ANKRD50: variants seen among roughly 807,000 people sequenced by gnomAD.
The protein encoded by ANKRD50 is ankyrin repeat domain-containing protein 50.
Under a neutral mutation model 112.0 loss-of-function variants are expected in ANKRD50, and 40 were observed. That is an observed-to-expected ratio of 0.36 (90% CI 0.28 to 0.46). ANKRD50 has a LOEUF of 0.46. Ranked by LOEUF, ANKRD50 falls within the 20% of genes least tolerant of loss-of-function variation. ANKRD50 has a pLI of 1.00. For missense variants in ANKRD50, 1,487 were observed against 1,701.7 expected (o/e 0.87, Z 2.22); for synonymous variants, 613 against 619.1 (o/e 0.99, Z 0.15).
At chr4:124,707,279 T>A (rs1725527570) in intron 2 of ANKRD50, among the ~76,000 whole-genome samples, 2 of 152,060 alleles carry the variant, frequency 1.3e-5, no homozygotes, top group African/African-American at 4.8e-5. Context: ...TTGAATTATA[T>A]CTATCCATGC....
chr4:124,708,766 T>C (rs1725563392), intron 2 of ANKRD50, among the ~76,000 whole-genome samples: 1 of 150,484 alleles, frequency 6.6e-6, no homozygotes, highest in Admixed American at 6.6e-5. Context: ...TTTACTAGTC[T>C]GTAACCTTGA....
chr4:124,709,547 C>T (rs1240002953), intron 2 of ANKRD50, among the ~76,000 whole-genome samples: 1 of 151,468 alleles, frequency 6.6e-6, no homozygotes, highest in Non-Finnish European at 1.5e-5. Flanking sequence ...TTCTCAGTGG[C>T]CAATAATCTC....
In ANKRD50 at chr4:124,667,009, T is replaced by C. The variant is rs892269795; in HGVS notation, c.*509A>G. 1.3e-5 allele frequency: 2 copies of C among 151,976 alleles called. No individual in the cohort carries two copies. The highest frequency in any genetic ancestry group is 2.4e-5 in the African/African-American group (1 of 41,410). 9.4% of individuals were successfully genotyped at this position (151,976 alleles called of 1,614,324 possible). A position where few individuals can be genotyped will look rare whatever the true frequency, so the allele number is the denominator to read the frequency against. Reference sequence around the variant, plus strand: ...TCCAATGCTGAAGGTGTAGTGAACATAGAACAGTTGCAAGATTTGTTTTAT... The same window carrying C: ...TCCAATGCTGAAGGTGTAGTGAACACAGAACAGTTGCAAGATTTGTTTTAT... On this transcript the variant is annotated 3_prime_UTR_variant, in exon 5 of 5. Coordinates refer to ENST00000504087, the MANE Select transcript of ANKRD50 (RefSeq NM_020337.3).
Position 124,669,217 on chromosome 4 carries a change from C to T in ANKRD50, c.4060G>A (p.Glu1354Lys). The T allele has an allele frequency of 6.2e-7, 1 of 1,613,638 alleles. No homozygotes were observed. The highest frequency in any genetic ancestry group is 1.3e-5 in the African/African-American group (1 of 74,970). The change falls in exon 4 of 5, where the codon GAA (glutamate) becomes AAA (lysine). Residue 1354 changes from glutamate to lysine, a missense_variant. Glu to Lys is a moderately conservative substitution (Grantham distance 56). Transcript: ENST00000504087. ...QQFLIHQQSG[E>K]QKKRNGIMTN... Reference sequence around the variant, plus strand: ...ATTATTCCATTTCTCTTCTTCTGTTCCCCACTTTGTTGGTGAATAAGAAAC... The same window carrying T: ...ATTATTCCATTTCTCTTCTTCTGTTTCCCACTTTGTTGGTGAATAAGAAAC...
Position 124,667,320 on chromosome 4 carries a change from T to C in ANKRD50, c.*198A>G, listed in dbSNP as rs1332138587. 1.3e-5 allele frequency: 2 copies of C among 152,038 alleles called. No individual in the cohort carries two copies. Among genetic ancestry groups the C allele is most frequent in the Admixed American group, 1.3e-4 (2 of 15,252 alleles). The allele number at this position is 152,038 out of a possible 1,614,324, so 9.4% of individuals were successfully genotyped here. On this transcript the variant is annotated 3_prime_UTR_variant, in exon 5 of 5. Coordinates refer to ENST00000504087, the MANE Select transcript of ANKRD50 (RefSeq NM_020337.3). ...TGAATACAAAGCACACAAAATGAAA[T>C]TTTTTAAGCACAGAGGGTTACATTG...
Position 124,667,360 on chromosome 4 carries a change from C to G in ANKRD50, c.*158G>C, listed in dbSNP as rs1477428207. The G allele has an allele frequency of 6.6e-6, 1 of 151,930 alleles. No individual in the cohort carries two copies. The highest frequency in any genetic ancestry group is 1.5e-5 in the Non-Finnish European group (1 of 67,936). 9.4% of individuals were successfully genotyped at this position (151,930 alleles called of 1,614,324 possible). A position where few individuals can be genotyped will look rare whatever the true frequency, so the allele number is the denominator to read the frequency against. On this transcript the variant is annotated 3_prime_UTR_variant, in exon 5 of 5. Transcript: ENST00000504087. ...GGGTTACATTGAGAAGGCAGCCTTA[C>G]TATTTAGGCACATTACAGTAATTAA...
At chr4:124,705,131 C>A (rs546759244) in intron 2 of ANKRD50, among the ~76,000 whole-genome samples, 4 of 151,836 alleles carry the variant, frequency 2.6e-5, no homozygotes, top group Admixed American at 6.6e-5. Flanking sequence ...AAAACTGCAA[C>A]GCAAGCTACA....
Position 124,687,730 on chromosome 4 carries a change from G to A in ANKRD50, c.513-8825C>T, listed in dbSNP as rs192842731. On this transcript the variant is annotated intron_variant, in intron 2 of 4. Coordinates refer to ENST00000504087, the MANE Select transcript of ANKRD50 (RefSeq NM_020337.3). ...TTAAAATAGACACTTTAGAGAGGAA[G>A]AGAGAAGGGCATCAAATAAACATAA... Among the ~76,000 whole-genome samples, 632 of 152,290 alleles carry A rather than the reference G, an allele frequency of 4.1e-3. 1 individual carries two copies. Among genetic ancestry groups the A allele is most frequent in the Non-Finnish European group, 6.7e-3 (454 of 68,010 alleles).
At chr4:124,672,863 C>T (rs948897913) in intron 3 of ANKRD50, among the ~76,000 whole-genome samples, 1 of 152,000 alleles carries the variant, frequency 6.6e-6, no homozygotes, top group African/African-American at 2.4e-5. Flanking sequence ...TTAACATCAT[C>T]TGAACTCCCA....
chr4:124,675,192 T>A (rs1232271848), intron 3 of ANKRD50, among the ~76,000 whole-genome samples: 1 of 151,858 alleles, frequency 6.6e-6, no homozygotes, highest in Non-Finnish European at 1.5e-5. Flanking sequence ...TATTCTTACT[T>A]GAACTTTTCT....
Position 124,669,257 on chromosome 4 carries a change from A to G in ANKRD50, c.4020T>C (p.Gly1340=), listed in dbSNP as rs1290644055. 6.2e-7 allele frequency: 1 copy of G among 1,613,602 alleles called. No individual in the cohort carries two copies. Among genetic ancestry groups the G allele is most frequent in the East Asian group, 2.2e-5 (1 of 44,850 alleles). The change falls in exon 4 of 5, where the codon GGT becomes GGC. Residue 1340 remains glycine, a synonymous_variant. Transcript: ENST00000504087. ...IMIPSAQQEI[G]RSQQQFLIHQ... is the part of the protein sequence containing the mutation. ...GAATAAGAAACTGCTGTTGAGATCG[A>G]CCAATTTCCTGCTGAGCTGAAGGTA... is the stretch of plus-strand genomic sequence containing the variant.
At chr4:124,682,084 A>G (rs1167778936) in intron 2 of ANKRD50, among the ~76,000 whole-genome samples, 4 of 152,088 alleles carry the variant, frequency 2.6e-5, no homozygotes, top group Non-Finnish European at 5.9e-5. Context: ...AGGGAGGCCG[A>G]GGCGGGTGGA....
intron 2 of ANKRD50, among the ~76,000 whole-genome samples, chr4:124,695,693 A>G (rs932062135): frequency 4.3e-4 from 65 of 152,306 alleles, no homozygotes; most frequent in African/African-American, 1.4e-3. Flanking sequence ...AGAGCTAAAC[A>G]TAATTTCTTA....
chr4:124,701,436 G>T (rs1244517878), intron 2 of ANKRD50, among the ~76,000 whole-genome samples: 3 of 152,218 alleles, frequency 2.0e-5, no homozygotes, highest in Non-Finnish European at 4.4e-5. Flanking sequence ...CGAGGAATAT[G>T]TAATTCTTCT....
chr4:124,676,159 G>A (rs1730769277), intron 3 of ANKRD50, among the ~76,000 whole-genome samples: 1 of 151,646 alleles, frequency 6.6e-6, no homozygotes, highest in Non-Finnish European at 1.5e-5. Flanking sequence ...AATCTAAGGA[G>A]AAACTTGAAT....
At position 124,669,249 on chromosome 4, in the gene ANKRD50, T is replaced by TG; in HGVS notation, c.4027dup (p.Gln1343ProfsTer36). 1 of 1,613,746 alleles carries TG rather than the reference T, an allele frequency of 6.2e-7. No homozygotes were observed. The highest frequency in any genetic ancestry group is 2.2e-5 in the East Asian group (1 of 44,850). On this transcript the variant is annotated frameshift_variant, in exon 4 of 5. Coordinates refer to ENST00000504087, the MANE Select transcript of ANKRD50 (RefSeq NM_020337.3). LOFTEE classifies it high-confidence loss of function. The stretch of plus-strand genomic sequence containing the variant: ...TTGTTGGTGAATAAGAAACTGCTGT[T>TG]GAGATCGACCAATTTCCTGCTGAGC...
At chr4:124,683,295 T>C (rs1408992759) in intron 2 of ANKRD50, among the ~76,000 whole-genome samples, 1 of 151,212 alleles carries the variant, frequency 6.6e-6, no homozygotes, top group Admixed American at 6.6e-5. Context: ...ATACAATACA[T>C]ATATTAATAT....
intron 2 of ANKRD50, among the ~76,000 whole-genome samples, chr4:124,690,357 A>G (rs1263778408): frequency 6.6e-6 from 1 of 152,208 alleles, no homozygotes; most frequent in Non-Finnish European, 1.5e-5. Context: ...ACTCTTGATA[A>G]CTGATCTTTT....
chr4:124,679,643 CA>C (rs1724829479), intron 2 of ANKRD50, among the ~76,000 whole-genome samples: 1 of 152,152 alleles, frequency 6.6e-6, no homozygotes, highest in Admixed American at 6.6e-5. Flanking sequence ...GCAGATACAA[CA>C]GTGAAGAGGA....
Sources: allele counts gnomAD v4.1 joint callset (sites outside exome capture counted in the v4.1 genomes callset), GRCh38; gene constraint gnomAD v4.1.1; transcripts MANE v1.5; gene names NCBI Gene and HGNC (gene_info 2026-07-23, HGNC 2026-07-21).